The following DOCK4 variants were observed in gnomAD, a reference collection of about 807,000 sequenced individuals.
DOCK4 encodes dedicator of cytokinesis protein 4.
In DOCK4, 97 loss-of-function variants were observed where a neutral mutation model predicts 268.1. The observed-to-expected ratio is 0.36, with a 90% CI of 0.31 to 0.43. The LOEUF (loss-of-function observed/expected upper bound fraction) is 0.43. Among genes scored for constraint, DOCK4 ranks in the 20% least tolerant of loss-of-function variants. The pLI is 1.00. For synonymous variants in DOCK4, 954 were observed against 887.2 expected (o/e 1.08, Z -1.34); for missense variants, 2,145 against 2,455.7 (o/e 0.87, Z 2.67).
intron 30 of DOCK4, among the ~76,000 whole-genome samples, chr7:111,792,917 G>C (rs1181939468): frequency 6.6e-6 from 1 of 152,222 alleles, no homozygotes; most frequent in Non-Finnish European, 1.5e-5. Flanking sequence ...TCAATAGCAA[G>C]TTTTTCATAT....
chr7:112,167,724 A>T (rs185451377), intron 1 of DOCK4, among the ~76,000 whole-genome samples: 1 of 152,306 alleles, frequency 6.6e-6, no homozygotes, highest in Non-Finnish European at 1.5e-5. Flanking sequence ...AACCTCAGTA[A>T]GCTTAAATAA....
At chr7:111,831,758 A>C (rs193048384) in intron 26 of DOCK4, among the ~76,000 whole-genome samples, 1 of 152,216 alleles carries the variant, frequency 6.6e-6, no homozygotes, top group South Asian at 2.1e-4. Context: ...AAGTGCTCCC[A>C]AATTACAGGC....
rs751631282 is a variant in DOCK4, at chr7:112,066,690, CATATATATATATATATATATAT to C, written c.38-62581_38-62560del. Among the ~76,000 whole-genome samples the C allele has an allele frequency of 3.2e-3, 67 of 20,998 alleles. 1 individual carries two copies. The East Asian group carries it at 0.037, about 12-fold the overall frequency. The allele number at this position is 20,998 out of a possible 152,430, so 13.8% of individuals were successfully genotyped here. A position where few individuals can be genotyped will look rare whatever the true frequency, so the allele number is the denominator to read the frequency against. ...ATATACATATACATATATACATATACATATATATATATATATATATATATATATATATATATATATATATATA... is the reference window on the plus strand; with the variant it reads ...ATATACATATACATATATACATATACATATATATATATATATATATATATA... On this transcript the variant is annotated intron_variant, in intron 1 of 52. Coordinates refer to ENST00000428084, the MANE Select transcript of DOCK4 (RefSeq NM_001363540.2).
chr7:111,847,225 T>G (rs1804178359), intron 23 of DOCK4, 99 bp from the exon 24 acceptor site: 2 of 1,437,778 alleles, frequency 1.4e-6, no homozygotes, highest in African/African-American at 2.8e-5. Context: ...GGTTGCTAAA[T>G]TATTAACACA....
At chr7:111,887,794 T>C (rs941496910) in intron 16 of DOCK4, among the ~76,000 whole-genome samples, 10 of 150,360 alleles carry the variant, frequency 6.7e-5, no homozygotes. Context: ...AGCATGTTTA[T>C]GATCTGTGTG....
At chr7:111,774,878 G>A (rs983626919) in intron 36 of DOCK4, among the ~76,000 whole-genome samples, 14 of 152,302 alleles carry the variant, frequency 9.2e-5, no homozygotes, top group African/African-American at 3.4e-4. Context: ...CCACTGTGGC[G>A]CAAAAGCAGC....
intron 1 of DOCK4, among the ~76,000 whole-genome samples, chr7:112,185,776 C>T (rs1164177469): frequency 6.6e-6 from 1 of 152,242 alleles, no homozygotes; most frequent in Admixed American, 6.5e-5. Context: ...ATTCTCACTA[C>T]CTGCTCCTTC....
At chr7:111,821,098 T>C (rs1586086870) in intron 27 of DOCK4, 2 of 152,378 alleles carry the variant, frequency 1.3e-5, no homozygotes, top group East Asian at 1.9e-4. Flanking sequence ...TGCTATGTTA[T>C]ACTATTTGTT....
intron 20 of DOCK4, among the ~76,000 whole-genome samples, chr7:111,871,612 T>G (rs59693238): frequency 0.035 from 5,402 of 152,244 alleles, 328 homozygotes; most frequent in African/African-American, 0.12. Flanking sequence ...AAAGGTTGTT[T>G]TCCATTCATA....
chr7:111,773,516 G>A (rs982249637), intron 36 of DOCK4, among the ~76,000 whole-genome samples: 4 of 151,976 alleles, frequency 2.6e-5, no homozygotes, highest in Admixed American at 6.6e-5. Context: ...CTTACCTCCC[G>A]CATTTCTCTT....
chr7:112,189,286 GAA>G (rs5886613), intron 1 of DOCK4, among the ~76,000 whole-genome samples: 146 of 148,678 alleles, frequency 9.8e-4, no homozygotes, highest in African/African-American at 2.9e-3. Context: ...TCTTATTCTG[GAA>G]AAAAAAAAAA....
At chr7:111,998,683 C>T (rs957914769) in intron 3 of DOCK4, among the ~76,000 whole-genome samples, 180 bp from the exon 4 acceptor site, 2 of 152,076 alleles carry the variant, frequency 1.3e-5, no homozygotes, top group South Asian at 4.2e-4. Flanking sequence ...CTTTCATTTT[C>T]TACCATTAAC....
At chr7:111,892,826 T>C (rs1808407528) in intron 16 of DOCK4, among the ~76,000 whole-genome samples, 1 of 152,210 alleles carries the variant, frequency 6.6e-6, no homozygotes, top group Admixed American at 6.5e-5. Flanking sequence ...GTTGGCTCAG[T>C]AGTATGAGAA....
At chr7:111,845,146 T>C (rs1804001061) in intron 24 of DOCK4, among the ~76,000 whole-genome samples, 2 of 152,176 alleles carry the variant, frequency 1.3e-5, no homozygotes, top group South Asian at 4.1e-4. Context: ...CACACCAGAC[T>C]AACTCAGAAC....
chr7:111,996,980 G>A (rs994811885), intron 4 of DOCK4, among the ~76,000 whole-genome samples: 2 of 152,202 alleles, frequency 1.3e-5, no homozygotes, highest in Non-Finnish European at 2.9e-5. Context: ...AGGGAGGTCA[G>A]GGTTGGGCTT....
intron 1 of DOCK4, among the ~76,000 whole-genome samples, chr7:112,046,921 C>A (rs146387229): frequency 1.3e-5 from 2 of 151,946 alleles, no homozygotes; most frequent in Admixed American, 6.6e-5. Flanking sequence ...ACAGCAGCAG[C>A]GAGGAAAAAG....
chr7:112,041,094 T>G (rs528591069), intron 1 of DOCK4, among the ~76,000 whole-genome samples: 1 of 152,176 alleles, frequency 6.6e-6, no homozygotes, highest in Non-Finnish European at 1.5e-5. Context: ...TCTGATGAAC[T>G]ATTTTTCTTG....
intron 47 of DOCK4, chr7:111,739,754 A>G: frequency 2.3e-6 from 1 of 437,438 alleles, no homozygotes; most frequent in East Asian, 4.8e-5. Flanking sequence ...ATTGAGGTAT[A>G]AGTAGAATGA....
rs140883588 is a variant in DOCK4, at chr7:112,018,143, C to CAAAAAAAAAAAAAAAAAAAAAAAAAAA, written c.38-14039_38-14013dup. ...TGGGCAACACAGCAAGACTCCAGCT[C>CAAAAAAAAAAAAAAAAAAAAAAAAAAA]AAAAAAAAAAAAAAAAAAAAAAAAA... On this transcript the variant is annotated intron_variant, in intron 1 of 52. Transcript: ENST00000428084. Among the ~76,000 whole-genome samples the CAAAAAAAAAAAAAAAAAAAAAAAAAAA allele has an allele frequency of 3.9e-4, 8 of 20,640 alleles. 2 individuals are homozygous for CAAAAAAAAAAAAAAAAAAAAAAAAAAA. The highest frequency in any genetic ancestry group is 5.6e-4 in the Non-Finnish European group (7 of 12,462). The allele number at this position is 20,640 out of a possible 152,430, so 13.5% of individuals were successfully genotyped here.
Sources: gnomAD v4.1 joint callset for allele counts (sites outside exome capture counted in the v4.1 genomes callset) on GRCh38, gnomAD v4.1.1 for gene constraint, MANE v1.5 for transcripts, NCBI Gene and HGNC (gene_info 2026-07-23, HGNC 2026-07-21) for gene names.